ZNF248: variants seen among roughly 807,000 people sequenced by gnomAD.
ZNF248 encodes zinc finger protein 248.
A neutral mutation model predicts 44.3 loss-of-function variants in ZNF248; 20 were observed. The observed-to-expected ratio is 0.45, with a 90% confidence interval of 0.32 to 0.66. The LOEUF is 0.66. Among genes scored for constraint, ZNF248 ranks in the 30% least tolerant of loss-of-function variants. The probability of loss-of-function intolerance (pLI) is 0.04; values close to 1 mark genes in which losing one functional copy is unlikely to be tolerated. For missense variants in ZNF248, 654 were observed against 677.0 expected (o/e 0.97, Z 0.38); for synonymous variants, 224 against 229.0 (o/e 0.98, Z 0.20).
At chr10:37,797,356 A>G (rs112782361) in intron 6 of ZNF248, among the ~76,000 whole-genome samples, 2,289 of 152,240 alleles carry the variant, frequency 0.015, 58 homozygotes, top group African/African-American at 0.051. Context: ...CCCCTTGAGG[A>G]AAACATAGGG....
At chr10:37,777,616 T>C (rs1207517142) in intron 6 of ZNF248, among the ~76,000 whole-genome samples, 4 of 150,540 alleles carry the variant, frequency 2.7e-5, no homozygotes, top group Non-Finnish European at 5.9e-5. Context: ...ACATGTGCCA[T>C]GCTGGTGCGC....
intron 6 of ZNF248, among the ~76,000 whole-genome samples, chr10:37,784,344 T>G (rs888991145): frequency 3.3e-5 from 5 of 152,028 alleles, no homozygotes; most frequent in Non-Finnish European, 7.4e-5. Flanking sequence ...AGCCCTTGAG[T>G]GAATAATTGG....
intron 4 of ZNF248, 65 bp from the exon 5 acceptor site, chr10:37,837,777 C>G (rs1779089): frequency 0.073 from 108,294 of 1,474,338 alleles, 4,686 homozygotes; most frequent in Non-Finnish European, 0.086. Context: ...CTGAATACAT[C>G]ATGGGGAAGA....
At chr10:37,800,397 C>A (rs2049667524) in intron 6 of ZNF248, among the ~76,000 whole-genome samples, 1 of 152,198 alleles carries the variant, frequency 6.6e-6, no homozygotes, top group African/African-American at 2.4e-5. Context: ...TGTTAGTTCA[C>A]TCAGGATAAT....
chr10:37,797,586 TA>T (rs35356196), intron 6 of ZNF248, among the ~76,000 whole-genome samples: 9,105 of 152,172 alleles, frequency 0.06, 351 homozygotes, highest in Middle Eastern at 0.095. Flanking sequence ...AATATATTTT[TA>T]AAAAAATTCT....
intron 4 of ZNF248, 85 bp from the exon 5 acceptor site, chr10:37,837,797 C>G: frequency 3.6e-6 from 5 of 1,397,054 alleles, no homozygotes; most frequent in Non-Finnish European, 4.0e-6. Flanking sequence ...AAAGGCACAG[C>G]TTCACCAGCT....
At chr10:37,817,257 G>T (rs957530991) in intron 6 of ZNF248, among the ~76,000 whole-genome samples, 1 of 152,046 alleles carries the variant, frequency 6.6e-6, no homozygotes, top group African/African-American at 2.4e-5. Flanking sequence ...GACTCTCACT[G>T]TTCCTAATGA....
At chr10:37,761,984 A>T in the ZNF248 span, among the ~76,000 whole-genome samples, 5 of 152,234 alleles carry the variant, frequency 3.3e-5, no homozygotes, top group Admixed American at 1.3e-4. Context: ...ACATGCAGAC[A>T]TAAGAACATC....
At chr10:37,845,924 A>G (rs1148284) in intron 3 of ZNF248, among the ~76,000 whole-genome samples, 9,126 of 152,298 alleles carry the variant, frequency 0.06, 352 homozygotes, top group Middle Eastern at 0.095. Flanking sequence ...CAGGATGAAT[A>G]TGTGGAATAA....
chr10:37,758,617 T>C, the ZNF248 span, among the ~76,000 whole-genome samples: 1 of 152,244 alleles, frequency 6.6e-6, no homozygotes, highest in Non-Finnish European at 1.5e-5. Context: ...ACAGTACTTA[T>C]TCTATTTTCT....
In ZNF248 at chr10:37,831,929, T is replaced by C; in HGVS notation, c.1426A>G (p.Arg476Gly). Reference protein sequence around the residue: ...CNACGKSFCHRSALTVHQRTH... With the variant: ...CNACGKSFCHGSALTVHQRTH... ...CTCTGATGCACAGTGAGGGCTGATC[T>C]GTGGCAGAAGGATTTCCCACATGCA... is the stretch of plus-strand genomic sequence containing the variant. Residue 476 changes from arginine to glycine, a missense_variant, in exon 6 of 6, where the codon AGA becomes GGA. Arg to Gly is a moderately radical substitution (Grantham distance 125, BLOSUM62 -2). Transcript: ENST00000395867. The C allele has an allele frequency of 6.2e-7, 1 of 1,614,086 alleles. No individual in the cohort carries two copies. The highest frequency in any genetic ancestry group is 8.5e-7 in the Non-Finnish European group (1 of 1,179,936).
At chr10:37,845,349 A>C (rs2059152305) in intron 3 of ZNF248, among the ~76,000 whole-genome samples, 1 of 151,346 alleles carries the variant, frequency 6.6e-6, no homozygotes, top group African/African-American at 2.4e-5. Context: ...AAATTCTTCC[A>C]AAAAAAAGGC....
At chr10:37,826,384 T>C (rs1291412854), downstream of ZNF248, among the ~76,000 whole-genome samples, 1 of 152,222 alleles carries the variant, frequency 6.6e-6, no homozygotes, top group Non-Finnish European at 1.5e-5. Flanking sequence ...TTTTAATGTC[T>C]ATTTTCTGAG....
chr10:37,816,322 G>C (rs1045944819), intron 6 of ZNF248, among the ~76,000 whole-genome samples: 8 of 152,222 alleles, frequency 5.3e-5, no homozygotes, highest in African/African-American at 1.9e-4. Flanking sequence ...TCAGTGACTA[G>C]AGCACAGTTC....
intron 6 of ZNF248, among the ~76,000 whole-genome samples, chr10:37,807,361 A>C (rs2050734649): frequency 6.6e-6 from 1 of 152,188 alleles, no homozygotes; most frequent in South Asian, 2.1e-4. Context: ...AAGGGGTGCG[A>C]GACCTCCAAT....
At position 37,830,023 on chromosome 10, in the gene ZNF248, G is replaced by T; in HGVS notation, c.*1592C>A. On this transcript the variant is annotated 3_prime_UTR_variant, in exon 6 of 6. Transcript: ENST00000395867. ...AACTGCTGACCAATGTGTTCCAAGG[G>T]GGCAAAAGAAACAACAGGACAAGGG... The T allele has an allele frequency of 1.0e-6, 1 of 985,282 alleles. No individual in the cohort carries two copies. Among genetic ancestry groups the T allele is most frequent in the Non-Finnish European group, 1.2e-6 (1 of 829,922 alleles). The allele number at this position is 985,282 out of a possible 1,614,324, so 61.0% of individuals were successfully genotyped here.
chr10:37,816,006 AGAG>A (rs1053055978), intron 6 of ZNF248, among the ~76,000 whole-genome samples: 34 of 108,044 alleles, frequency 3.1e-4, no homozygotes, highest in Non-Finnish European at 4.0e-4. Flanking sequence ...AAAAAAAAAA[AGAG>A]AGAGAGAGAG....
chr10:37,761,119 G>T, the ZNF248 span, among the ~76,000 whole-genome samples: 1 of 152,096 alleles, frequency 6.6e-6, no homozygotes. Context: ...TCTCAACAGG[G>T]TTACTGGCAG....
chr10:37,817,375 T>TA lies in ZNF248; in HGVS notation c.330+15649dup, dbSNP rs35493240. Reference sequence around the variant, plus strand: ...TTTTGCATGGATGAACCTTTATTTTTAAAAAAAAAATAGCACTTCAAATAA... The same window carrying TA: ...TTTTGCATGGATGAACCTTTATTTTTAAAAAAAAAAATAGCACTTCAAATAA... On this transcript the variant is annotated intron_variant, in intron 6 of 6. Coordinates refer to the ZNF248 transcript ENST00000615949. 2.7e-4 allele frequency among the ~76,000 whole-genome samples: 41 copies of TA among 150,742 alleles called. 1 individual carries two copies. The highest frequency in any genetic ancestry group is 6.3e-4 in the South Asian group (3 of 4,756).
Sources: allele counts gnomAD v4.1 joint callset (sites outside exome capture counted in the v4.1 genomes callset), GRCh38; gene constraint gnomAD v4.1.1; transcripts MANE v1.5; gene names NCBI Gene and HGNC (gene_info 2026-07-23, HGNC 2026-07-21).